Variants in ZNF469 observed in about 807,000 individuals in gnomAD.
The protein encoded by ZNF469 is zinc finger protein 469.
Under a neutral mutation model 1.0 loss-of-function variants are expected in ZNF469, and 1 was observed. The ratio of observed to expected loss-of-function variants is 1.00; its 90% CI spans 0.35 to 4.73. The LOEUF is 4.73. Among genes scored for constraint, ZNF469 ranks in the 30% most tolerant of loss-of-function variants. The pLI, the probability that ZNF469 is intolerant of heterozygous loss-of-function variation, is 0.16. For synonymous variants in ZNF469, 2,703 were observed against 2,363.4 expected, an observed-to-expected ratio of 1.14 and a Z score of -4.17; for missense variants, 6,100 against 5,356.3, an observed-to-expected ratio of 1.14 and a Z score of -4.33.
At chr16:88,167,072 TTTTTTC>T in the ZNF469 span, among the ~76,000 whole-genome samples, 1 of 142,266 alleles carries the variant, frequency 7.0e-6, no homozygotes. Context: ...TTTTTTTTTT[TTTTTTC>T]TAAGAGGGAA....
chr16:88,295,854 TCAA>T, the ZNF469 span, among the ~76,000 whole-genome samples: 71 of 152,266 alleles, frequency 4.7e-4, no homozygotes, highest in African/African-American at 1.6e-3. Context: ...GACACTCTCA[TCAA>T]CACAGATAAC....
rs191554921 is a variant in ZNF469, at chr16:88,439,047, G to T, written c.11577G>T (p.Pro3859=). Residue 3859 remains proline (P), a synonymous_variant, in exon 3 of 3, where the codon CCG becomes CCT. Transcript: ENST00000565624. ...AGGCAACTCCCAGCCGCGTGCTCCC[G>T]ACCAAGCCCAAGCCCAACAGCCAGA... ...RKQATPSRVL[P]TKPKPNSQNK... 6.5e-6 allele frequency: 10 copies of T among 1,550,002 alleles called. No homozygotes were observed. The highest frequency in any genetic ancestry group is 1.7e-4 in the Middle Eastern group (1 of 5,992).
the ZNF469 span, among the ~76,000 whole-genome samples, chr16:88,157,125 C>T: frequency 6.6e-6 from 1 of 152,134 alleles, no homozygotes; most frequent in Non-Finnish European, 1.5e-5. Flanking sequence ...GGCTCCACAA[C>T]CATCACTCAT....
At chr16:88,396,650 G>GTGGAGA (rs1904677002) in intron 1 of ZNF469, among the ~76,000 whole-genome samples, 5 of 145,362 alleles carry the variant, frequency 3.4e-5, no homozygotes, top group African/African-American at 1.0e-4. Context: ...GGGAGGCCGG[G>GTGGAGA]CGGAGACCCT....
the ZNF469 span, among the ~76,000 whole-genome samples, chr16:88,138,139 T>C: frequency 1.4e-3 from 208 of 152,338 alleles, 1 homozygote; most frequent in Non-Finnish European, 2.2e-3. Flanking sequence ...TATCACATTC[T>C]AGAATGTTCC....
chr16:88,239,654 A>AT, the ZNF469 span, among the ~76,000 whole-genome samples: 1,707 of 46,274 alleles, frequency 0.037, 189 homozygotes, highest in Non-Finnish European at 0.054. Flanking sequence ...CGCCCGGCTT[A>AT]TTTTTTTTTT....
At chr16:88,221,435 C>G in the ZNF469 span, among the ~76,000 whole-genome samples, 1 of 152,212 alleles carries the variant, frequency 6.6e-6, no homozygotes, top group Admixed American at 6.5e-5. Flanking sequence ...ATGCAGGCAG[C>G]TCCCCGAGGA....
chr16:88,177,305 C>A, the ZNF469 span: 1 of 152,186 alleles, frequency 6.6e-6, no homozygotes, highest in Non-Finnish European at 1.5e-5. This position sits in a 1 kb window ranked among gnomAD's most constrained non-coding sequence, Gnocchi z 4.8. Flanking sequence ...ACAGCAAATT[C>A]AAATGCTATT....
chr16:88,160,892 C>T, the ZNF469 span, among the ~76,000 whole-genome samples: 12 of 152,208 alleles, frequency 7.9e-5, no homozygotes, highest in African/African-American at 2.9e-4. Context: ...CCTGTAATCC[C>T]AGCACTTTGG....
At chr16:88,384,354 T>G (rs2092532667) in intron 1 of ZNF469, among the ~76,000 whole-genome samples, 1 of 152,184 alleles carries the variant, frequency 6.6e-6, no homozygotes, top group Non-Finnish European at 1.5e-5. Context: ...CAGCCTGTCC[T>G]AGGTGCCCCC....
chr16:88,293,314 TTGGATGGATGGA>T, the ZNF469 span, among the ~76,000 whole-genome samples: 44 of 146,816 alleles, frequency 3.0e-4, no homozygotes, highest in African/African-American at 6.6e-4. Flanking sequence ...GGATGGGTAA[TTGGATGGATGGA>T]TGGATGGATG....
chr16:88,329,222 G>A, the ZNF469 span, among the ~76,000 whole-genome samples: 3 of 152,192 alleles, frequency 2.0e-5, no homozygotes, highest in Admixed American at 6.5e-5. Context: ...TGGGCAGGTG[G>A]TGAAGGGGCT....
chr16:88,245,703 C>T, the ZNF469 span, among the ~76,000 whole-genome samples: 12 of 152,268 alleles, frequency 7.9e-5, no homozygotes, highest in African/African-American at 2.2e-4. Context: ...CAAGACTCCC[C>T]GGCCTATTTT....
chr16:88,232,235 C>G, the ZNF469 span, among the ~76,000 whole-genome samples: 4 of 152,232 alleles, frequency 2.6e-5, no homozygotes, highest in Non-Finnish European at 5.9e-5. Context: ...CAGCCTCAAC[C>G]TGAGGGCAGG....
chr16:88,426,517 AG>A (rs1157816751), intron 2 of ZNF469, among the ~76,000 whole-genome samples: 1 of 152,274 alleles, frequency 6.6e-6, no homozygotes, highest in Non-Finnish European at 1.5e-5. Context: ...TGGGTGAGCA[AG>A]GGGCCAGGCT....
the ZNF469 span, among the ~76,000 whole-genome samples, chr16:88,115,439 C>T: frequency 6.6e-6 from 1 of 152,044 alleles, no homozygotes; most frequent in Admixed American, 6.6e-5. Context: ...ACCCCTCCAG[C>T]TCATGTCAGC....
At chr16:88,172,636 G>A in the ZNF469 span, among the ~76,000 whole-genome samples, 51 of 152,230 alleles carry the variant, frequency 3.4e-4, no homozygotes, top group Admixed American at 3.1e-3. Context: ...TTGGAGGTGG[G>A]AGTGGGAATC....
At chr16:88,375,447 C>A in the ZNF469 span, among the ~76,000 whole-genome samples, 7 of 152,228 alleles carry the variant, frequency 4.6e-5, no homozygotes, top group Non-Finnish European at 8.8e-5. Flanking sequence ...GTTACCAGAA[C>A]GAAATACATT....
upstream of ZNF469, among the ~76,000 whole-genome samples, chr16:88,379,342 C>G (rs958303529): frequency 6.6e-6 from 1 of 152,156 alleles, no homozygotes; most frequent in Non-Finnish European, 1.5e-5. Flanking sequence ...CACCCGGGAG[C>G]CTTCCAGCTC....
Sources: allele counts gnomAD v4.1 joint callset (sites outside exome capture counted in the v4.1 genomes callset), GRCh38; gene constraint gnomAD v4.1.1; non-coding constraint Gnocchi (gnomAD v3.1); transcripts MANE v1.5; gene names NCBI Gene and HGNC (gene_info 2026-07-23, HGNC 2026-07-21).